Variants in MAPK6 observed in about 807,000 individuals in gnomAD.
MAPK6 encodes the protein ERK-3.
A neutral mutation model predicts 59.3 loss-of-function variants in MAPK6; 19 were observed. The ratio of observed to expected loss-of-function variants is 0.32; its 90% CI spans 0.22 to 0.47. MAPK6 has a LOEUF of 0.47. Among genes scored for constraint, MAPK6 ranks in the 20% least tolerant of loss-of-function variants. MAPK6 has a pLI of 1.00. For missense variants in MAPK6, 724 were observed against 847.9 expected, an observed-to-expected ratio of 0.85 and a Z score of 1.81; for synonymous variants, 316 against 290.3, an observed-to-expected ratio of 1.09 and a Z score of -0.90.
At chr15:52,056,261 T>C (rs2031979574) in intron 3 of MAPK6, among the ~76,000 whole-genome samples, 1 of 152,244 alleles carries the variant, frequency 6.6e-6, no homozygotes, top group African/African-American at 2.4e-5. Flanking sequence ...TCTTTCCTGC[T>C]GTAGCACTTC....
intron 3 of MAPK6, among the ~76,000 whole-genome samples, chr15:52,057,682 C>T (rs2032035991): frequency 6.6e-6 from 1 of 152,188 alleles, no homozygotes; most frequent in African/African-American, 2.4e-5. Context: ...GTAGCTGGAA[C>T]TATAGGCATG....
chr15:52,021,994 A>G (rs2030548062), intron 1 of MAPK6, among the ~76,000 whole-genome samples: 1 of 152,102 alleles, frequency 6.6e-6, no homozygotes, highest in Non-Finnish European at 1.5e-5. Flanking sequence ...GTGGCTTAAA[A>G]TAAGATTGAG....
chr15:52,032,006 T>C (rs1271422150), intron 1 of MAPK6, among the ~76,000 whole-genome samples: 1 of 151,576 alleles, frequency 6.6e-6, no homozygotes, highest in African/African-American at 2.4e-5. Context: ...GTTCATGCCA[T>C]TCTTCTGCAG....
chr15:52,031,890 A>G (rs1003330581), intron 1 of MAPK6, among the ~76,000 whole-genome samples: 2 of 152,100 alleles, frequency 1.3e-5, no homozygotes, highest in Admixed American at 6.6e-5. Context: ...GACTTTCTTT[A>G]TAATATGAAC....
chr15:52,049,040 C>T (rs2031691360), intron 2 of MAPK6, among the ~76,000 whole-genome samples: 1 of 152,182 alleles, frequency 6.6e-6, no homozygotes, highest in Admixed American at 6.5e-5. Context: ...CTCTCTCAGT[C>T]ATCACACCTA....
At chr15:52,057,848 A>G (rs1372819560) in intron 3 of MAPK6, among the ~76,000 whole-genome samples, 2 of 152,214 alleles carry the variant, frequency 1.3e-5, no homozygotes, top group Admixed American at 6.5e-5. Context: ...TCTTTATAGC[A>G]TATGTCACCA....
In MAPK6 at chr15:52,064,774, T is replaced by G. The variant is rs1429974555; in HGVS notation, c.1940T>G (p.Val647Gly). The change falls in exon 6 of 6, where the codon GTA (valine) becomes GGA (glycine). Residue 647 changes from valine (V) to glycine (G), a missense_variant. Physicochemically the swap from Val to Gly is moderately radical, Grantham distance 109. Around this residue, in one of 4 missense-constraint regions of MAPK6, gnomAD observed 502 missense variants for 507.6 expected, o/e 0.99. Transcript: ENST00000261845. ...ACTGAAATGCTAGAAACTGAGCCAG[T>G]AGAGGATGGGAAGCTTGGGGAGAGA... ...EDTEMLETEPVEDGKLGERGH... is the reference protein window; with the variant it reads ...EDTEMLETEPGEDGKLGERGH... The G allele has an allele frequency of 8.1e-6, 13 of 1,611,758 alleles. No individual in the cohort carries two copies. Among genetic ancestry groups the G allele is most frequent in the Non-Finnish European group, 1.1e-5 (13 of 1,179,786 alleles).
chr15:51,992,498 G>A (rs1026711612), intron 2 of MAPK6, among the ~76,000 whole-genome samples: 191 of 151,650 alleles, frequency 1.3e-3, no homozygotes, highest in African/African-American at 4.4e-3. Flanking sequence ...TAGAGACGGG[G>A]TTTCACCATG....
chr15:52,050,891 G>C (rs571620015), intron 3 of MAPK6, among the ~76,000 whole-genome samples: 1 of 152,160 alleles, frequency 6.6e-6, no homozygotes, highest in Non-Finnish European at 1.5e-5. Context: ...TTTATGACTA[G>C]TTAAGATGGG....
intron 2 of MAPK6, among the ~76,000 whole-genome samples, chr15:51,983,499 C>G (rs150048974): frequency 7.0e-6 from 1 of 143,640 alleles, no homozygotes; most frequent in Admixed American, 6.9e-5. Context: ...AAACAAAAAA[C>G]GACAACAACA....
At chr15:52,053,592 TTGATTGATTGGTTGATTGATTGA>T (rs2031858629) in intron 3 of MAPK6, among the ~76,000 whole-genome samples, 1 of 1,846 alleles carries the variant, frequency 5.4e-4, no homozygotes, top group African/African-American at 8.2e-4. Flanking sequence ...TGAAACAAGA[TTGATTGATTGGTTGATTGATTGA>T]TTGATTGATT....
intron 2 of MAPK6, among the ~76,000 whole-genome samples, chr15:52,048,754 C>G (rs2031677445): frequency 6.6e-6 from 1 of 150,884 alleles, no homozygotes; most frequent in Admixed American, 6.6e-5. Flanking sequence ...TGGCTCCTGC[C>G]TGTAATCTCA....
chr15:52,029,811 C>G, intron 1 of MAPK6, among the ~76,000 whole-genome samples: 1 of 152,198 alleles, frequency 6.6e-6, no homozygotes, highest in East Asian at 1.9e-4. Flanking sequence ...TCTCAGCCAC[C>G]ATTATGTCAC....
At chr15:52,006,453 C>T (rs966965975) in intron 3 of MAPK6, among the ~76,000 whole-genome samples, 2 of 152,176 alleles carry the variant, frequency 1.3e-5, no homozygotes, top group Admixed American at 6.5e-5. Flanking sequence ...ATTCACCTTT[C>T]GTTTTCAACT....
chr15:52,057,462 C>A (rs1396310118), intron 3 of MAPK6, among the ~76,000 whole-genome samples: 1 of 152,134 alleles, frequency 6.6e-6, no homozygotes, highest in Non-Finnish European at 1.5e-5. Context: ...GGCTTCTCTC[C>A]ATCTTCCTAG....
intron 1 of MAPK6, among the ~76,000 whole-genome samples, chr15:51,980,729 T>C (rs779751186): frequency 4.0e-5 from 6 of 151,212 alleles, no homozygotes; most frequent in Non-Finnish European, 5.9e-5. Flanking sequence ...TAGCTGGGAC[T>C]ACAGGCGCAT....
upstream of MAPK6, chr15:52,018,820 G>C (rs1299224542): frequency 1.3e-5 from 2 of 152,468 alleles, no homozygotes. Flanking sequence ...TAACGCGTCT[G>C]TCTTGTGCTC....
chr15:52,021,822 T>A (rs1172961187), intron 1 of MAPK6, among the ~76,000 whole-genome samples: 2 of 152,216 alleles, frequency 1.3e-5, no homozygotes, highest in Non-Finnish European at 2.9e-5. Flanking sequence ...GCTTTGTGAT[T>A]TATGTGAATT....
Position 52,019,275 on chromosome 15 carries a change from G to C in MAPK6, c.-733G>C, listed in dbSNP as rs888276443. On this transcript the variant is annotated 5_prime_UTR_variant, in exon 1 of 6. Transcript: ENST00000261845. ...CATGGCGGCGACTGCGGCAAAGCGA[G>C]AGCCTCGGAGACGCCGCTGCCGCCA... 2.6e-5 allele frequency: 4 copies of C among 152,108 alleles called. No individual in the cohort carries two copies. The highest frequency in any genetic ancestry group is 9.7e-5 in the African/African-American group (4 of 41,444). 9.4% of individuals were successfully genotyped at this position (152,108 alleles called of 1,614,324 possible).
Sources: allele counts gnomAD v4.1 joint callset (sites outside exome capture counted in the v4.1 genomes callset), GRCh38; gene constraint gnomAD v4.1.1; regional missense constraint gnomAD v4.1.1; transcripts MANE v1.5; gene names NCBI Gene and HGNC (gene_info 2026-07-23, HGNC 2026-07-21).